Variants in VPS13B observed in about 807,000 individuals in gnomAD.
VPS13B encodes intermembrane lipid transfer protein VPS13B.
In VPS13B, 285 loss-of-function variants were observed where a neutral mutation model predicts 426.4. The observed-to-expected ratio is 0.67, with a 90% CI of 0.61 to 0.74. The LOEUF (loss-of-function observed/expected upper bound fraction) is 0.74. VPS13B is among the 30% of genes least tolerant of loss of function. The pLI, the probability that VPS13B is intolerant of heterozygous loss-of-function variation, is 0.00. For missense variants in VPS13B, 4,537 were observed against 4,782.6 expected (o/e 0.95, Z 1.51); for synonymous variants, 1,676 against 1,676.4 (o/e 1.00, Z 0.01).
chr8:99,537,252 A>G (rs889463416), intron 30 of VPS13B, among the ~76,000 whole-genome samples: 1 of 152,188 alleles, frequency 6.6e-6, no homozygotes, highest in Non-Finnish European at 1.5e-5. Context: ...TCCAAGTTAA[A>G]GTATAGGCAT....
intron 21 of VPS13B, among the ~76,000 whole-genome samples, chr8:99,425,758 A>C (rs560095531): frequency 1.7e-4 from 26 of 152,282 alleles, no homozygotes; most frequent in Non-Finnish European, 3.7e-4. Context: ...GAGGAAGTCA[A>C]ATTGTCCCTG....
chr8:99,571,943 A>G (rs1825498153), intron 31 of VPS13B, among the ~76,000 whole-genome samples: 2 of 152,204 alleles, frequency 1.3e-5, no homozygotes, highest in African/African-American at 2.4e-5. Context: ...AGCTCTGCTC[A>G]TTGCAAGTTT....
At position 99,661,557 on chromosome 8, in the gene VPS13B, G is replaced by C. The variant is rs1830224213; in HGVS notation, c.6046+66G>C. On this transcript the variant is annotated intron_variant, in intron 35 of 61. Transcript: ENST00000357162. Reference sequence around the variant, plus strand: ...TGTGAATATATTAGCATGTATATAGGATCTGTTAGTAATCTTGACATTCCG... The same window carrying C: ...TGTGAATATATTAGCATGTATATAGCATCTGTTAGTAATCTTGACATTCCG... The C allele has an allele frequency of 3.8e-6, 6 of 1,561,926 alleles. No homozygotes were observed. The Admixed American group carries it at 6.8e-5, about 18-fold the overall frequency.
At chr8:99,492,001 A>G (rs773453236) in intron 25 of VPS13B, among the ~76,000 whole-genome samples, 5 of 151,976 alleles carry the variant, frequency 3.3e-5, no homozygotes, top group Non-Finnish European at 7.4e-5. Flanking sequence ...TTGTGGTTCT[A>G]TCTACCTTTG....
At chr8:99,681,909 C>G (rs1474598137) in intron 35 of VPS13B, among the ~76,000 whole-genome samples, 1 of 152,134 alleles carries the variant, frequency 6.6e-6, no homozygotes, top group Non-Finnish European at 1.5e-5. Flanking sequence ...ATAAGTAACT[C>G]CCTTACCAAT....
At chr8:99,830,736 C>T (rs1384694993) in intron 51 of VPS13B, among the ~76,000 whole-genome samples, 1 of 152,168 alleles carries the variant, frequency 6.6e-6, no homozygotes, top group Non-Finnish European at 1.5e-5. Context: ...GGTGTAGGCA[C>T]CAGAGGCAAT....
Position 99,148,071 on chromosome 8 carries a change from T to G in VPS13B, c.2013+61T>G, listed in dbSNP as rs541350120. 6.0e-5 allele frequency: 82 copies of G among 1,362,660 alleles called. 1 individual carries two copies. In the Admixed American group the frequency reaches 1.1e-3, roughly 18 times the overall value. The allele number at this position is 1,362,660 out of a possible 1,614,324, so 84.4% of individuals were successfully genotyped here. A position where few individuals can be genotyped will look rare whatever the true frequency, so the allele number is the denominator to read the frequency against. ...ATATATGGATTTTTTTTTTTTTTTT[T>G]GTCATTTACTGAAAGAATATCTGCA... is the stretch of plus-strand genomic sequence containing the variant. On this transcript the variant is annotated intron_variant, in intron 14 of 61. Coordinates refer to ENST00000357162, the MANE Select transcript of VPS13B (RefSeq NM_152564.5).
chr8:99,275,126 C>T lies in VPS13B; in HGVS notation c.2696C>T (p.Ser899Phe). ...EKLIPLLQGP[S>F]DTKDLHSTKW... ...TTGATTCCCTTGCTTCAGGGTCCTTCTGACACTAAAGACCTTCATAGCACC... is the reference window on the plus strand; with the variant it reads ...TTGATTCCCTTGCTTCAGGGTCCTTTTGACACTAAAGACCTTCATAGCACC... The change falls in exon 19 of 62, where the codon TCT becomes TTT. Residue 899 changes from serine (S) to phenylalanine (F), a missense_variant. Coordinates refer to ENST00000357162, the MANE Select transcript of VPS13B (RefSeq NM_152564.5). 1.2e-6 allele frequency: 2 copies of T among 1,611,682 alleles called. No homozygotes were observed. The highest frequency in any genetic ancestry group is 1.7e-6 in the Non-Finnish European group (2 of 1,178,928).
At chr8:99,674,306 T>A (rs1033648614) in intron 35 of VPS13B, among the ~76,000 whole-genome samples, 1 of 152,094 alleles carries the variant, frequency 6.6e-6, no homozygotes, top group African/African-American at 2.4e-5. Context: ...TTATGCCGTC[T>A]TGCTGAACTA....
chr8:99,330,780 T>G (rs1001277920), intron 19 of VPS13B, among the ~76,000 whole-genome samples: 8 of 151,900 alleles, frequency 5.3e-5, no homozygotes, highest in Non-Finnish European at 1.0e-4. Flanking sequence ...TATCAATATC[T>G]TGTTTCTTAG....
intron 35 of VPS13B, among the ~76,000 whole-genome samples, chr8:99,676,903 G>C (rs1431120462): frequency 1.3e-5 from 2 of 152,070 alleles, no homozygotes; most frequent in African/African-American, 4.8e-5. Flanking sequence ...GCTGCCGTGG[G>C]TGGATCACCT....
At chr8:99,238,403 G>C (rs1351283032) in intron 17 of VPS13B, among the ~76,000 whole-genome samples, 1 of 152,062 alleles carries the variant, frequency 6.6e-6, no homozygotes, top group Non-Finnish European at 1.5e-5. Context: ...GTCCACTCTG[G>C]GGGGATTAGG....
In VPS13B at chr8:99,092,015, A is replaced by G. The variant is rs1383381778; in HGVS notation, c.292-4297A>G. ...AGACAAGGACTTCAATGATGTAGTC[A>G]CTTGTTTTCAGTTTTATTCTAAATG... On this transcript the variant is annotated intron_variant, in intron 3 of 61. Transcript: ENST00000357162. The G allele has an allele frequency of 2.0e-5, 3 of 152,160 alleles. No homozygotes were observed. In the East Asian group the frequency reaches 5.8e-4, roughly 29 times the overall value. 9.4% of individuals were successfully genotyped at this position (152,160 alleles called of 1,614,324 possible). A position where few individuals can be genotyped will look rare whatever the true frequency, so the allele number is the denominator to read the frequency against.
intron 30 of VPS13B, among the ~76,000 whole-genome samples, chr8:99,525,715 G>T (rs1348778888): frequency 1.4e-4 from 21 of 152,182 alleles, no homozygotes. Flanking sequence ...TAATGGGAGA[G>T]AGAATTACAA....
chr8:99,822,696 T>C (rs1184069144), intron 50 of VPS13B, among the ~76,000 whole-genome samples: 3 of 152,186 alleles, frequency 2.0e-5, no homozygotes, highest in African/African-American at 7.2e-5. Context: ...CTCTTTTTAG[T>C]CTCAGGACCC....
intron 8 of VPS13B, among the ~76,000 whole-genome samples, chr8:99,122,653 T>C (rs545770980): frequency 1.2e-4 from 18 of 152,336 alleles, no homozygotes; most frequent in African/African-American, 3.8e-4. Context: ...AATAATATCT[T>C]AATTCATTCA....
intron 56 of VPS13B, among the ~76,000 whole-genome samples, chr8:99,855,083 C>T (rs1396645812): frequency 2.6e-5 from 4 of 152,122 alleles, no homozygotes; most frequent in Admixed American, 2.0e-4. Context: ...TGTGTACTAG[C>T]AACTGGTGGA....
intron 16 of VPS13B, among the ~76,000 whole-genome samples, chr8:99,181,314 C>T (rs946234354): frequency 4.6e-5 from 7 of 152,080 alleles, no homozygotes; most frequent in African/African-American, 1.4e-4. Flanking sequence ...TTAATCTGAA[C>T]AAAAAATATG....
intron 3 of VPS13B, among the ~76,000 whole-genome samples, chr8:99,092,421 A>G (rs983880234): frequency 6.6e-6 from 1 of 152,166 alleles, no homozygotes; most frequent in African/African-American, 2.4e-5. Flanking sequence ...ATTTTTGAGA[A>G]CAGAGTTTCT....
Sources: gnomAD v4.1 joint callset for allele counts (sites outside exome capture counted in the v4.1 genomes callset) on GRCh38, gnomAD v4.1.1 for gene constraint, MANE v1.5 for transcripts, NCBI Gene and HGNC (gene_info 2026-07-23, HGNC 2026-07-21) for gene names.